Variants in SRGAP3 observed in about 807,000 individuals in gnomAD.
SRGAP3 encodes SLIT-ROBO Rho GTPase activating protein 3.
Under a neutral mutation model 121.1 loss-of-function variants are expected in SRGAP3, and 39 were observed. That is an observed-to-expected ratio of 0.32 (90% confidence interval 0.25 to 0.42). SRGAP3 has a LOEUF of 0.42. Ranked by LOEUF, SRGAP3 falls within the 10% of genes least tolerant of loss-of-function variation. SRGAP3 has a pLI of 1.00. For synonymous variants in SRGAP3, 601 were observed against 570.0 expected (o/e 1.05, Z -0.77); for missense variants, 1,213 against 1,470.6 (o/e 0.82, Z 2.86).
rs1447178836 is a variant in SRGAP3 at position 9,124,768 on chromosome 3, G to A, written c.217C>T (p.Arg73Cys). ...YSRSLEKLAE[R>C]FSSKIRSSRE... The stretch of plus-strand genomic sequence containing the variant: ...GAGCTGCGGATTTTGGAGGAGAAGC[G>A]CTCAGCCAGCTTCTCCAGGCTGCGG... Residue 73 changes from arginine to cysteine, a missense_variant, in exon 2 of 22, where the codon CGC (arginine) becomes TGC (cysteine). By Grantham distance (180) the Arg-to-Cys change is radical. Coordinates refer to ENST00000383836, the MANE Select transcript of SRGAP3 (RefSeq NM_014850.4). The A allele has an allele frequency of 1.9e-6, 3 of 1,614,038 alleles. No homozygotes were observed. The highest frequency in any genetic ancestry group is 2.5e-6 in the Non-Finnish European group (3 of 1,180,054).
chr3:9,001,087 A>AG (rs1361938785), intron 18 of SRGAP3, among the ~76,000 whole-genome samples: 13 of 152,344 alleles, frequency 8.5e-5, no homozygotes, highest in African/African-American at 3.1e-4. Context: ...CTAGGAAGGA[A>AG]GGGGAGGGGA....
rs535942733 is a variant in SRGAP3 at position 9,348,404 on chromosome 3, C to G, written n.214+14436G>C. ...AAAAGACAAATGTGCCTCCAGAATCCGCGAACCCCAGTCAGCGTCGCATCC... is the reference window on the plus strand; with the variant it reads ...AAAAGACAAATGTGCCTCCAGAATCGGCGAACCCCAGTCAGCGTCGCATCC... On this transcript the variant is annotated intron_variant and non_coding_transcript_variant, in intron 1 of 3. Coordinates refer to the SRGAP3 transcript ENST00000490889. 243 of 559,846 alleles carry G rather than the reference C, an allele frequency of 4.3e-4. 5 individuals carry two copies. Among genetic ancestry groups the G allele is most frequent in the South Asian group, 2.8e-3 (139 of 50,088 alleles). The allele number at this position is 559,846 out of a possible 1,614,324, so 34.7% of individuals were successfully genotyped here. A position where few individuals can be genotyped will look rare whatever the true frequency, so the allele number is the denominator to read the frequency against.
intron 1 of SRGAP3, among the ~76,000 whole-genome samples, chr3:9,243,620 G>C (rs563412694): frequency 1.4e-5 from 2 of 146,462 alleles, no homozygotes; most frequent in South Asian, 2.2e-4. Context: ...GGGTGACAGA[G>C]AGAGACTCTG....
At chr3:9,298,195 G>A (rs755728430) in intron 3 of SRGAP3, among the ~76,000 whole-genome samples, 1 of 152,204 alleles carries the variant, frequency 6.6e-6, no homozygotes, top group Non-Finnish European at 1.5e-5. Flanking sequence ...TATCTCGTGA[G>A]ATAACTGTAT....
intron 1 of SRGAP3, among the ~76,000 whole-genome samples, chr3:9,150,897 A>C (rs141629108): frequency 6.6e-6 from 1 of 152,320 alleles, no homozygotes; most frequent in Non-Finnish European, 1.5e-5. Context: ...TGATGGCTGA[A>C]CCTCAGTCCT....
chr3:9,075,764 G>T (rs1381215490), intron 4 of SRGAP3, among the ~76,000 whole-genome samples: 1 of 152,192 alleles, frequency 6.6e-6, no homozygotes, highest in Non-Finnish European at 1.5e-5. Flanking sequence ...AGTGACTGTG[G>T]TAATGACCCT....
At chr3:9,150,377 CACCGAGAAG>C in intron 1 of SRGAP3, among the ~76,000 whole-genome samples, 1 of 152,158 alleles carries the variant, frequency 6.6e-6, no homozygotes, top group East Asian at 1.9e-4. Context: ...GAGAGGCCAG[CACCGAGAAG>C]ACCCAATCTT....
At chr3:9,213,162 C>A (rs897964893) in intron 1 of SRGAP3, among the ~76,000 whole-genome samples, 2 of 152,170 alleles carry the variant, frequency 1.3e-5, no homozygotes, top group East Asian at 3.9e-4. Flanking sequence ...ACTGGAGACA[C>A]AAATAATGGA....
At chr3:9,165,053 G>A (rs115599454) in intron 1 of SRGAP3, among the ~76,000 whole-genome samples, 5,056 of 152,376 alleles carry the variant, frequency 0.033, 129 homozygotes, top group Non-Finnish European at 0.045. Flanking sequence ...GGGATGCAGA[G>A]GCAGGCTGGG....
Position 9,123,267 on chromosome 3 carries a change from G to A in SRGAP3, c.260+1458C>T, listed in dbSNP as rs146808888. ...AAAAGCACTGGAGTTGGATGGTGGC[G>A]ATGGTTGCATAACATTGTGAATGTG... On this transcript the variant is annotated intron_variant, in intron 2 of 21. Transcript: ENST00000383836. Among the ~76,000 whole-genome samples the A allele has an allele frequency of 1.6e-4, 24 of 152,246 alleles. No individual in the cohort carries two copies. In the East Asian group the frequency reaches 3.1e-3, roughly 20 times the overall value.
rs534777510 is a variant in SRGAP3 at position 9,138,948 on chromosome 3, A to G, written c.68-14031T>C. Among the ~76,000 whole-genome samples the G allele has an allele frequency of 2.8e-4, 42 of 148,450 alleles. No homozygotes were observed. In the South Asian group the frequency reaches 5.8e-3, roughly 20 times the overall value. On this transcript the variant is annotated intron_variant, in intron 1 of 21. Coordinates refer to ENST00000383836, the MANE Select transcript of SRGAP3 (RefSeq NM_014850.4). ...AGATAAGGAATACTCAACCTGTACC[A>G]ACAGTAGTGCTCATGCCTCATCTTC...
chr3:9,147,592 G>A (rs1161244509), intron 1 of SRGAP3, among the ~76,000 whole-genome samples: 1 of 152,042 alleles, frequency 6.6e-6, no homozygotes, highest in Non-Finnish European at 1.5e-5. Context: ...CCTGATTCTG[G>A]GCACAGAATC....
Position 9,104,672 on chromosome 3 carries a change from T to C in SRGAP3, c.423+8A>G, listed in dbSNP as rs757485045. 9.9e-6 allele frequency: 16 copies of C among 1,613,964 alleles called. No individual in the cohort carries two copies. Among genetic ancestry groups the C allele is most frequent in the African/African-American group, 4.0e-5 (3 of 74,942 alleles). ...ACCTGGGACACGTAGAGCAGCCCAC[T>C]TGCCTACCTTTTTGAAGAGTCTGAT... On this transcript the variant is annotated splice_region_variant and intron_variant, in intron 3 of 21. Coordinates refer to ENST00000383836, the MANE Select transcript of SRGAP3 (RefSeq NM_014850.4).
At position 8,985,825 on chromosome 3, in the gene SRGAP3, C is replaced by T. The variant is rs375972516; in HGVS notation, c.2994G>A (p.Leu998=). ...PDVVLDTLEP[L]KNPPGPVSSE... ...AGCTGACGGGGCCTGGCGGGTTCTT[C>T]AGGGGCTCCAGGGTGTCCAGCACCA... The change falls in exon 22 of 22, where the codon CTG becomes CTA. Residue 998 remains leucine, a synonymous_variant. Coordinates refer to ENST00000383836, the MANE Select transcript of SRGAP3 (RefSeq NM_014850.4). This position sits in a 1 kb window ranked among gnomAD's most constrained non-coding sequence, Gnocchi z 5.1. 1 of 1,600,402 alleles carries T rather than the reference C, an allele frequency of 6.2e-7. No individual in the cohort carries two copies. The highest frequency in any genetic ancestry group is 1.3e-5 in the African/African-American group (1 of 74,984).
chr3:9,182,063 C>A (rs1456946609), intron 1 of SRGAP3, among the ~76,000 whole-genome samples: 1 of 150,604 alleles, frequency 6.6e-6, no homozygotes, highest in East Asian at 2.0e-4. Flanking sequence ...CTAGTCCCAT[C>A]TACTCGGGAG....
At chr3:9,344,349 G>T (rs992195951) in intron 1 of SRGAP3, among the ~76,000 whole-genome samples, 1 of 152,198 alleles carries the variant, frequency 6.6e-6, no homozygotes, top group African/African-American at 2.4e-5. Flanking sequence ...CAGCTATTCA[G>T]GAGGCTGAGG....
rs1223922126 is a variant in SRGAP3 at position 8,981,106 on chromosome 3, A to T, written c.*4413T>A. 4.3e-6 allele frequency: 1 copy of T among 233,046 alleles called. No homozygotes were observed. The highest frequency in any genetic ancestry group is 8.5e-6 in the Non-Finnish European group (1 of 117,948). 14.4% of individuals were successfully genotyped at this position (233,046 alleles called of 1,614,324 possible). ...CAGAGGGACAGCAGGACACTGGCAG[A>T]TCAATCTCAGGGAGGTCAGGAGGGC... On this transcript the variant is annotated 3_prime_UTR_variant, in exon 22 of 22. Transcript: ENST00000383836.
chr3:9,137,943 C>G (rs1045006526), intron 1 of SRGAP3, among the ~76,000 whole-genome samples: 1 of 152,196 alleles, frequency 6.6e-6, no homozygotes, highest in Non-Finnish European at 1.5e-5. Flanking sequence ...AATTTCAACA[C>G]GAGATTAATA....
At chr3:9,295,641 C>T (rs1159906617) in intron 3 of SRGAP3, among the ~76,000 whole-genome samples, 1 of 122,132 alleles carries the variant, frequency 8.2e-6, no homozygotes, top group Non-Finnish European at 1.9e-5. Context: ...GTAAAATACA[C>T]ATAACATAAA....
Sources: gnomAD v4.1 joint callset for allele counts (sites outside exome capture counted in the v4.1 genomes callset) on GRCh38, gnomAD v4.1.1 for gene constraint, Gnocchi (gnomAD v3.1) non-coding constraint, MANE v1.5 for transcripts, NCBI Gene and HGNC (gene_info 2026-07-23, HGNC 2026-07-21) for gene names.